TCERG1: variants seen among roughly 807,000 people sequenced by gnomAD.
TCERG1 encodes TATA box binding protein (TBP)-associated factor, RNA polymerase II, S, 150kD.
In TCERG1, 37 loss-of-function variants were observed where a neutral mutation model predicts 144.7. The ratio of observed to expected loss-of-function variants is 0.26; its 90% confidence interval spans 0.20 to 0.34. The LOEUF (loss-of-function observed/expected upper bound fraction) is 0.34. Among genes scored for constraint, TCERG1 ranks in the 10% least tolerant of loss-of-function variants. TCERG1 has a pLI of 1.00. For missense variants in TCERG1, 1,027 were observed against 1,380.7 expected, an observed-to-expected ratio of 0.74 and a Z score of 4.06; for synonymous variants, 492 against 458.2, an observed-to-expected ratio of 1.07 and a Z score of -0.94.
chr5:146,471,193 TAAG>T (rs1764258908), intron 8 of TCERG1, among the ~76,000 whole-genome samples: 1 of 152,178 alleles, frequency 6.6e-6, no homozygotes, highest in Admixed American at 6.5e-5. Context: ...CTAGCAGAAA[TAAG>T]AAACAACCTT....
chr5:146,464,423 C>T (rs1390086001), intron 5 of TCERG1, among the ~76,000 whole-genome samples: 1 of 152,096 alleles, frequency 6.6e-6, no homozygotes, highest in Non-Finnish European at 1.5e-5. Context: ...TCCCTTGTAA[C>T]AATTATGAAG....
intron 16 of TCERG1, among the ~76,000 whole-genome samples, chr5:146,493,472 A>C (rs926281026): frequency 6.6e-6 from 1 of 152,066 alleles, no homozygotes; most frequent in South Asian, 2.1e-4. Context: ...ATATGTATTA[A>C]ATACATGTAA....
chr5:146,461,081 T>C (rs1225104357), intron 4 of TCERG1, among the ~76,000 whole-genome samples: 2 of 152,182 alleles, frequency 1.3e-5, no homozygotes, highest in African/African-American at 4.8e-5. Context: ...GGTGATGAGC[T>C]AGATAATTTA....
In TCERG1 at chr5:146,457,265, C is replaced by G. The variant is rs1000866466; in HGVS notation, c.368C>G (p.Thr123Ser). ...TTTCCACCAGGAATGCCTCCTGTGA[C>G]TGCTCCTGGTACTCCAGCACTACCT... ...MMFPPGMPPV[T>S]APGTPALPPT... Residue 123 changes from threonine to serine, a missense_variant, in exon 3 of 23, where the codon ACT becomes AGT. By Grantham distance (58) the Thr-to-Ser change is moderately conservative. Coordinates refer to ENST00000679501, the MANE Select transcript of TCERG1 (RefSeq NM_001382548.1). 7 of 1,614,160 alleles carry G rather than the reference C, an allele frequency of 4.3e-6. No individual in the cohort carries two copies. Among genetic ancestry groups the G allele is most frequent in the Admixed American group, 3.3e-5 (2 of 60,024 alleles).
chr5:146,507,856 T>C lies in TCERG1; in HGVS notation c.2962-17T>C, dbSNP rs1768146964. 1 of 1,577,366 alleles carries C rather than the reference T, an allele frequency of 6.3e-7. No homozygotes were observed. Among genetic ancestry groups the C allele is most frequent in the Non-Finnish European group, 8.7e-7 (1 of 1,151,418 alleles). On this transcript the variant is annotated splice_polypyrimidine_tract_variant and intron_variant, in intron 20 of 22. Transcript: ENST00000679501. This position sits in a 1 kb window ranked among gnomAD's most constrained non-coding sequence, Gnocchi z 4.6. The stretch of plus-strand genomic sequence containing the variant: ...AAGTGAGTTGTATTTATGTTTTTTA[T>C]TCATGTCTTTTCAAAGATTACCTTA...
chr5:146,495,244 G>A (rs1192329493), intron 16 of TCERG1, among the ~76,000 whole-genome samples: 1 of 152,104 alleles, frequency 6.6e-6, no homozygotes, highest in Non-Finnish European at 1.5e-5. Flanking sequence ...TGGAATATTT[G>A]TATTATACTT....
chr5:146,447,534 G>A (rs928395551), intron 1 of TCERG1, 126 bp downstream of exon 1: 9 of 1,259,958 alleles, frequency 7.1e-6, no homozygotes, highest in Non-Finnish European at 8.7e-6. Context: ...GGCCGGGACC[G>A]CATGGGGTTT....
chr5:146,506,126 T>C lies in TCERG1; in HGVS notation c.2782-902T>C, dbSNP rs142848066. On this transcript the variant is annotated intron_variant, in intron 19 of 22. Transcript: ENST00000679501. ...CTCTTTGAAGGAAGGGATAACGTCT[T>C]ATTTTGTAATCTTATTGCAAAGCAC... Among the ~76,000 whole-genome samples the C allele has an allele frequency of 1.6e-4, 25 of 152,322 alleles. No homozygotes were observed. In the East Asian group the frequency reaches 4.6e-3, roughly 28 times the overall value.
At chr5:146,474,574 T>C (rs1764652105) in intron 9 of TCERG1, among the ~76,000 whole-genome samples, 1 of 152,212 alleles carries the variant, frequency 6.6e-6, no homozygotes, top group South Asian at 2.1e-4. Flanking sequence ...CAGCATTGCA[T>C]GCTACAGAGA....
chr5:146,463,580 TCTG>T lies in TCERG1; in HGVS notation c.926_928del (p.Ala309del), dbSNP rs764963678. 1.9e-6 allele frequency: 3 copies of T among 1,614,228 alleles called. No homozygotes were observed. The highest frequency in any genetic ancestry group is 2.7e-5 in the African/African-American group (2 of 75,048). Reference sequence around the variant, plus strand: ...CACAACACAAGATCAGACCCCAAGTTCTGCTGTTTCAGTTGCCACGCCTACAGT... The same window carrying T: ...CACAACACAAGATCAGACCCCAAGTTCTGTTTCAGTTGCCACGCCTACAGT... On this transcript the variant is annotated inframe_deletion, in exon 5 of 23. Transcript: ENST00000679501.
intron 9 of TCERG1, among the ~76,000 whole-genome samples, chr5:146,473,005 G>A (rs909715665): frequency 5.3e-5 from 8 of 152,130 alleles, no homozygotes; most frequent in African/African-American, 1.9e-4. Context: ...GAGCCACCAT[G>A]CCCAGCTACA....
chr5:146,495,247 T>G, intron 16 of TCERG1, among the ~76,000 whole-genome samples: 1 of 152,192 alleles, frequency 6.6e-6, no homozygotes, highest in Non-Finnish European at 1.5e-5. Flanking sequence ...AATATTTGTA[T>G]TATACTTACT....
At chr5:146,494,112 GA>G (rs1766668094) in intron 16 of TCERG1, among the ~76,000 whole-genome samples, 2 of 151,994 alleles carry the variant, frequency 1.3e-5, no homozygotes, top group Non-Finnish European at 2.9e-5. Flanking sequence ...ACTTTCCAGG[GA>G]GTCCTGAGTT....
At chr5:146,455,430 C>A (rs960287271) in intron 2 of TCERG1, 149 bp downstream of exon 2, 12 of 914,624 alleles carry the variant, frequency 1.3e-5, no homozygotes, top group Middle Eastern at 3.4e-4. Flanking sequence ...TATGTTTCTT[C>A]TGAATTAGTG....
In TCERG1 at chr5:146,490,846, T is replaced by C. The variant is rs368935306; in HGVS notation, c.2164-2074T>C. 4.3e-3 allele frequency among the ~76,000 whole-genome samples: 656 copies of C among 152,278 alleles called. 2 individuals carry two copies. The highest frequency in any genetic ancestry group is 0.015 in the African/African-American group (622 of 41,590). On this transcript the variant is annotated intron_variant, in intron 15 of 22. Transcript: ENST00000679501. ...AATTACCTTTGTCTTTTTATTTAAC[T>C]TTTTGGATAATTTCCTTGCCTTTAT...
rs764564234 is a variant in TCERG1, at chr5:146,469,722, A to C, written c.1377A>C (p.Lys459Asn). Residue 459 changes from lysine to asparagine, a missense_variant, in exon 7 of 23, where the codon AAA becomes AAC. This residue lies in a region of TCERG1 where 482 missense variants were observed against 632.6 expected (regional missense o/e 0.76). Coordinates refer to ENST00000679501, the MANE Select transcript of TCERG1 (RefSeq NM_001382548.1). ...NNRTLESTWE[K>N]PQELKEKEKL... ...GAACATTAGAATCAACCTGGGAAAA[A>C]CCCCAAGAACTAAAGGAAAAAGGTA... The C allele has an allele frequency of 6.2e-7, 1 of 1,606,366 alleles. No homozygotes were observed. The highest frequency in any genetic ancestry group is 8.5e-7 in the Non-Finnish European group (1 of 1,176,744).
Position 146,463,713 on chromosome 5 carries a change from C to G in TCERG1, c.1055C>G (p.Thr352Arg). 1 of 1,614,210 alleles carries G rather than the reference C, an allele frequency of 6.2e-7. No individual in the cohort carries two copies. Among genetic ancestry groups the G allele is most frequent in the Non-Finnish European group, 8.5e-7 (1 of 1,180,032 alleles). The change falls in exon 5 of 23, where the codon ACA becomes AGA. Residue 352 changes from threonine to arginine, a missense_variant. Thr to Arg is a moderately conservative substitution (Grantham distance 71). Around this residue, in one of 6 missense-constraint regions of TCERG1, gnomAD observed 187 missense variants for 169.1 expected, o/e 1.11. Coordinates refer to ENST00000679501, the MANE Select transcript of TCERG1 (RefSeq NM_001382548.1). Reference protein sequence around the residue: ...PAVPHSVPQPTTAIPAFPPVM... With the variant: ...PAVPHSVPQPRTAIPAFPPVM... ...GTTCCTCATTCAGTACCTCAGCCAA[C>G]AACAGCAATACCTGCTTTTCCACCA...
At position 146,510,833 on chromosome 5, in the gene TCERG1, A is replaced by C; in HGVS notation, c.*191A>C. ...TGCTTTTCTTTGTGTGGCATGACTG[A>C]CATACATACTCAAATATAGGCTGTC... On this transcript the variant is annotated 3_prime_UTR_variant, in exon 23 of 23. Coordinates refer to ENST00000679501, the MANE Select transcript of TCERG1 (RefSeq NM_001382548.1). The C allele has an allele frequency of 2.1e-6, 1 of 483,880 alleles. No homozygotes were observed. Among genetic ancestry groups the C allele is most frequent in the Non-Finnish European group, 3.6e-6 (1 of 280,362 alleles). 30.0% of individuals were successfully genotyped at this position (483,880 alleles called of 1,614,324 possible). A position where few individuals can be genotyped will look rare whatever the true frequency, so the allele number is the denominator to read the frequency against.
intron 15 of TCERG1, among the ~76,000 whole-genome samples, chr5:146,487,654 G>C (rs956696405): frequency 1.3e-5 from 2 of 150,810 alleles, no homozygotes; most frequent in Admixed American, 1.3e-4. Context: ...GGGATCACTT[G>C]ATCCAGGAGT....
Sources: gnomAD v4.1 joint callset for allele counts (sites outside exome capture counted in the v4.1 genomes callset) on GRCh38, gnomAD v4.1.1 for gene constraint, gnomAD v4.1.1 regional missense constraint, Gnocchi (gnomAD v3.1) non-coding constraint, MANE v1.5 for transcripts, NCBI Gene and HGNC (gene_info 2026-07-23, HGNC 2026-07-21) for gene names.